PAG1: variants seen among roughly 807,000 people sequenced by gnomAD.
PAG1 encodes the protein phosphoprotein associated with glycosphingolipid-enriched microdomains 1.
Under a neutral mutation model 31.7 loss-of-function variants are expected in PAG1, and 23 were observed. The observed-to-expected ratio is 0.73, with a 90% CI of 0.52 to 1.03. PAG1 has a LOEUF of 1.03. Among genes scored for constraint, PAG1 ranks in the 50% least tolerant of loss-of-function variants. PAG1 has a pLI of 0.00. For synonymous variants in PAG1, 214 were observed against 210.3 expected, an observed-to-expected ratio of 1.02 and a Z score of -0.15; for missense variants, 473 against 540.7, an observed-to-expected ratio of 0.87 and a Z score of 1.24.
chr8:81,066,822 C>T (rs1809016438), intron 2 of PAG1, among the ~76,000 whole-genome samples: 1 of 152,098 alleles, frequency 6.6e-6, no homozygotes, highest in Non-Finnish European at 1.5e-5. Flanking sequence ...TGTAAGGACT[C>T]AGTGATTCTC....
chr8:80,984,054 C>T (rs990309750), intron 7 of PAG1, among the ~76,000 whole-genome samples: 1 of 152,144 alleles, frequency 6.6e-6, no homozygotes. Context: ...GAAGAGAGAA[C>T]CTTCCTCTTT....
chr8:81,007,636 C>CAAAAAAAAAA (rs58612249), intron 3 of PAG1, among the ~76,000 whole-genome samples: 1 of 49,714 alleles, frequency 2.0e-5, no homozygotes, highest in African/African-American at 8.5e-5. Context: ...GACTCTGTCT[C>CAAAAAAAAAA]AAAAAAAAAA....
intron 3 of PAG1, among the ~76,000 whole-genome samples, chr8:81,019,443 T>A (rs553749231): frequency 6.6e-6 from 1 of 152,360 alleles, no homozygotes; most frequent in South Asian, 2.1e-4. Flanking sequence ...AGGGCCCCCC[T>A]GTTCTGTGCA....
At chr8:80,995,115 G>A (rs961496340) in intron 3 of PAG1, among the ~76,000 whole-genome samples, 1 of 152,172 alleles carries the variant, frequency 6.6e-6, no homozygotes, top group African/African-American at 2.4e-5. Flanking sequence ...GTGAAACACT[G>A]TCACATTTAT....
chr8:81,082,426 T>C (rs1689486713), intron 1 of PAG1, among the ~76,000 whole-genome samples: 1 of 152,070 alleles, frequency 6.6e-6, no homozygotes, highest in Non-Finnish European at 1.5e-5. Flanking sequence ...CCTACTACAC[T>C]CAACTCCTTG....
chr8:81,062,106 TAAC>T (rs1379916550), intron 2 of PAG1, among the ~76,000 whole-genome samples: 1 of 152,246 alleles, frequency 6.6e-6, no homozygotes, highest in Non-Finnish European at 1.5e-5. Context: ...ACACTTCAGC[TAAC>T]AACACCTCAG....
At chr8:80,989,323 C>A (rs1006027458) in intron 5 of PAG1, among the ~76,000 whole-genome samples, 2 of 152,182 alleles carry the variant, frequency 1.3e-5, no homozygotes, top group African/African-American at 4.8e-5. Flanking sequence ...GGAAGGAAGA[C>A]TCCCAGGTGG....
chr8:81,025,503 G>A (rs1265659153), intron 3 of PAG1, among the ~76,000 whole-genome samples: 1 of 152,148 alleles, frequency 6.6e-6, no homozygotes, highest in African/African-American at 2.4e-5. Context: ...TGGCAGTGGG[G>A]AGGGAGGAAT....
At chr8:81,011,496 CT>C (rs1263594563) in intron 3 of PAG1, among the ~76,000 whole-genome samples, 20 of 150,216 alleles carry the variant, frequency 1.3e-4, no homozygotes, top group South Asian at 8.5e-4. Flanking sequence ...GTCCATTAAA[CT>C]TTTTTTTTTA....
At chr8:81,067,771 T>G (rs1041932031) in intron 2 of PAG1, 3 of 152,254 alleles carry the variant, frequency 2.0e-5, no homozygotes, top group African/African-American at 7.2e-5. Context: ...TGCTTAGAAT[T>G]GGTTTGAATT....
chr8:81,061,337 T>C (rs1291498218), intron 2 of PAG1, among the ~76,000 whole-genome samples: 1 of 152,220 alleles, frequency 6.6e-6, no homozygotes, highest in Non-Finnish European at 1.5e-5. Flanking sequence ...TGTCTACACA[T>C]TTCTCTCTCA....
chr8:81,109,648 G>T (rs1433509135), intron 1 of PAG1, among the ~76,000 whole-genome samples: 1 of 152,224 alleles, frequency 6.6e-6, no homozygotes, highest in Non-Finnish European at 1.5e-5. Flanking sequence ...GTCCAAAGAT[G>T]CATTTCCTTT....
intron 8 of PAG1, 83 bp downstream of exon 8, chr8:80,980,352 G>T: frequency 1.3e-6 from 1 of 778,024 alleles, no homozygotes. Flanking sequence ...CTTTCAAAGG[G>T]TAACATTACA....
Position 81,055,061 on chromosome 8 carries a change from ATTTC to A in PAG1, c.-175+15047_-175+15050del, listed in dbSNP as rs1373073698. On this transcript the variant is annotated intron_variant, in intron 2 of 8. Coordinates refer to ENST00000220597, the MANE Select transcript of PAG1 (RefSeq NM_018440.4). ...AAGACACTAACTCATCACTGAATTA[ATTTC>A]TTTTTTTTTCTTTTTTTTTTTTTTT... is the stretch of plus-strand genomic sequence containing the variant. 1.3e-4 allele frequency among the ~76,000 whole-genome samples: 20 copies of A among 149,798 alleles called. 1 individual carries two copies. In the South Asian group the frequency reaches 3.8e-3, roughly 28 times the overall value.
intron 2 of PAG1, among the ~76,000 whole-genome samples, chr8:81,044,626 C>G (rs1034642842): frequency 8.5e-5 from 13 of 152,124 alleles, no homozygotes; most frequent in African/African-American, 2.4e-4. Flanking sequence ...TTACAGCAGC[C>G]ACAAGAAATT....
intron 2 of PAG1, among the ~76,000 whole-genome samples, chr8:81,068,715 T>C (rs1809047776): frequency 6.6e-6 from 1 of 152,196 alleles, no homozygotes; most frequent in African/African-American, 2.4e-5. Flanking sequence ...GATACAAACA[T>C]TGACCTCAAG....
chr8:81,100,557 A>C (rs1809593198), intron 1 of PAG1, among the ~76,000 whole-genome samples: 2 of 152,220 alleles, frequency 1.3e-5, no homozygotes, highest in Non-Finnish European at 2.9e-5. Context: ...AAATGTCTTC[A>C]GACATTGCCA....
intron 2 of PAG1, among the ~76,000 whole-genome samples, chr8:81,042,381 G>A (rs540645742): frequency 1.3e-5 from 2 of 152,226 alleles, no homozygotes; most frequent in South Asian, 4.2e-4. Flanking sequence ...TATAAAAGCT[G>A]ATTTGGAAAT....
At chr8:81,075,063 T>C (rs1190351727) in intron 1 of PAG1, among the ~76,000 whole-genome samples, 8 of 152,218 alleles carry the variant, frequency 5.3e-5, no homozygotes, top group Admixed American at 2.0e-4. Flanking sequence ...CCTTACTTCC[T>C]GCAACCAGGT....
Sources: allele counts gnomAD v4.1 joint callset (sites outside exome capture counted in the v4.1 genomes callset), GRCh38; gene constraint gnomAD v4.1.1; transcripts MANE v1.5; gene names NCBI Gene and HGNC (gene_info 2026-07-23, HGNC 2026-07-21).